PARK7: variants seen among roughly 807,000 people sequenced by gnomAD.
PARK7 encodes the protein Parkinson disease protein 7.
Under a neutral mutation model 20.5 loss-of-function variants are expected in PARK7, and 14 were observed. That is an observed-to-expected ratio of 0.68 (90% CI 0.45 to 1.07). The LOEUF (loss-of-function observed/expected upper bound fraction) is 1.07, where lower values mean the gene tolerates loss of function less well. PARK7 is among the 50% of genes least tolerant of loss of function. The pLI, the probability that PARK7 is intolerant of heterozygous loss-of-function variation, is 0.00. For missense variants in PARK7, 234 were observed against 238.1 expected (o/e 0.98, Z 0.11); for synonymous variants, 98 against 84.3 (o/e 1.16, Z -0.89).
At chr1:7,965,087 G>A (rs1640296285) in intron 2 of PARK7, among the ~76,000 whole-genome samples, 2 of 152,070 alleles carry the variant, frequency 1.3e-5, no homozygotes, top group South Asian at 4.1e-4. Flanking sequence ...CTGTGTAAAC[G>A]TTACTCTAGC....
intron 3 of PARK7, among the ~76,000 whole-genome samples, chr1:7,965,831 G>T (rs1640313187): frequency 6.6e-6 from 1 of 151,944 alleles, no homozygotes; most frequent in Admixed American, 6.6e-5. Context: ...TTGTTTAGAG[G>T]AATGGTCCCA....
chr1:7,969,667 G>C (rs1376353533), intron 4 of PARK7, among the ~76,000 whole-genome samples: 1 of 151,706 alleles, frequency 6.6e-6, no homozygotes, highest in Non-Finnish European at 1.5e-5. Flanking sequence ...TGCAATCTCC[G>C]CCTCCTGGGT....
At position 7,970,940 on chromosome 1, in the gene PARK7, G is replaced by A. The variant is rs199529022; in HGVS notation, c.299G>A (p.Gly100Asp). The A allele has an allele frequency of 5.0e-6, 8 of 1,614,200 alleles. No homozygotes were observed. The highest frequency in any genetic ancestry group is 1.7e-5 in the Admixed American group (1 of 60,024). The change falls in exon 5 of 7, where the codon GGC becomes GAC. Residue 100 changes from glycine to aspartate, a missense_variant. Physicochemically the swap from Gly to Asp is moderately conservative, Grantham distance 94 (BLOSUM62 -1). Coordinates refer to ENST00000338639, the MANE Select transcript of PARK7 (RefSeq NM_007262.5). ...EILKEQENRK[G>D]LIAAICAGPT... The stretch of plus-strand genomic sequence containing the variant: ...CTGAAGGAGCAGGAAAACCGGAAGG[G>A]CCTGATAGCCGCCATCTGTGCAGGT...
chr1:7,974,195 A>G (rs767656700), intron 5 of PARK7, among the ~76,000 whole-genome samples: 2 of 149,532 alleles, frequency 1.3e-5, no homozygotes, highest in Non-Finnish European at 3.0e-5. Context: ...GGTGGTGCAC[A>G]CTTGTAGTCC....
intron 6 of PARK7, among the ~76,000 whole-genome samples, chr1:7,978,392 GTTT>G (rs34698566): frequency 2.3e-4 from 31 of 136,254 alleles, no homozygotes; most frequent in Admixed American, 6.5e-4. Flanking sequence ...CCTGTGTGTG[GTTT>G]TTTTTTTTTT....
chr1:7,982,149 ATTTT>A (rs760318319), intron 6 of PARK7, among the ~76,000 whole-genome samples: 2 of 116,628 alleles, frequency 1.7e-5, no homozygotes, highest in Non-Finnish European at 3.7e-5. Flanking sequence ...TAATTTTTGT[ATTTT>A]TTTTTTTTTT....
chr1:7,977,755 T>TTGTG lies in PARK7; in HGVS notation c.409+18_409+19insGTGT. The TTGTG allele has an allele frequency of 6.2e-7, 1 of 1,608,132 alleles. No homozygotes were observed. Among genetic ancestry groups the TTGTG allele is most frequent in the Middle Eastern group, 1.7e-4 (1 of 6,046 alleles). On this transcript the variant is annotated intron_variant, in intron 6 of 6. Coordinates refer to ENST00000338639, the MANE Select transcript of PARK7 (RefSeq NM_007262.5). Reference sequence around the variant, plus strand: ...TGAATGGAGGTAAGTATATGCTTGTTTTTGTTTGTTTGTTTGTTTTTTGAG... The same window carrying TTGTG: ...TGAATGGAGGTAAGTATATGCTTGTTTGTGTTTGTTTGTTTGTTTGTTTTTTGAG...
chr1:7,969,184 C>T (rs1020046905), intron 3 of PARK7, 161 bp from the exon 4 acceptor site: 22 of 610,314 alleles, frequency 3.6e-5, no homozygotes, highest in African/African-American at 7.4e-5. Flanking sequence ...AACACCATTC[C>T]GTCATGTGGA....
At chr1:7,966,889 G>A (rs544605090) in intron 3 of PARK7, among the ~76,000 whole-genome samples, 4 of 152,180 alleles carry the variant, frequency 2.6e-5, no homozygotes, top group African/African-American at 9.6e-5. Flanking sequence ...AGAGTAATTA[G>A]CATATCCATC....
intron 2 of PARK7, 53 bp from the exon 3 acceptor site, chr1:7,965,271 T>TA: frequency 6.7e-7 from 1 of 1,497,386 alleles, no homozygotes; most frequent in Non-Finnish European, 9.3e-7. Context: ...AAGACAGTGT[T>TA]ACTCTGAATT....
chr1:7,980,160 C>CAAAA (rs34615529), intron 6 of PARK7, among the ~76,000 whole-genome samples: 2 of 125,128 alleles, frequency 1.6e-5, no homozygotes, highest in African/African-American at 3.1e-5. Context: ...GACTCCATCT[C>CAAAA]AAAAAAAAAA....
At chr1:7,970,070 T>C (rs1028945195) in intron 4 of PARK7, among the ~76,000 whole-genome samples, 7 of 151,892 alleles carry the variant, frequency 4.6e-5, no homozygotes, top group Non-Finnish European at 1.0e-4. Context: ...TGGTGCACAC[T>C]TGTAGTCCCA....
At position 7,984,200 on chromosome 1, in the gene PARK7, A is replaced by G. The variant is rs1285455214; in HGVS notation, c.410-694A>G. On this transcript the variant is annotated intron_variant, in intron 6 of 6. Coordinates refer to ENST00000338639, the MANE Select transcript of PARK7 (RefSeq NM_007262.5). This position sits in a 1 kb window ranked among gnomAD's most constrained non-coding sequence, Gnocchi z 4.3. ...CAGTAAGGGAAGCTCCAGGTGGGAG[A>G]GTGATAGGGATGGGTGTGGGGAGGG... Among the ~76,000 whole-genome samples the G allele has an allele frequency of 6.6e-6, 1 of 151,708 alleles. No individual in the cohort carries two copies. Among genetic ancestry groups the G allele is most frequent in the Non-Finnish European group, 1.5e-5 (1 of 67,956 alleles).
At chr1:7,963,663 C>T (rs755046871) in intron 2 of PARK7, among the ~76,000 whole-genome samples, 2 of 152,076 alleles carry the variant, frequency 1.3e-5, no homozygotes, top group Non-Finnish European at 2.9e-5. Context: ...GCAGGAGCCA[C>T]CATGCCCGGC....
chr1:7,980,810 A>G (rs921437842), intron 6 of PARK7, among the ~76,000 whole-genome samples: 7 of 152,220 alleles, frequency 4.6e-5, no homozygotes, highest in Non-Finnish European at 8.8e-5. Flanking sequence ...TTGAAAGATC[A>G]GTGTGACAGT....
chr1:7,970,010 A>G (rs1488006261), intron 4 of PARK7, among the ~76,000 whole-genome samples: 1 of 152,150 alleles, frequency 6.6e-6, no homozygotes. Flanking sequence ...TAAGTAACAC[A>G]TCGAGACGCC....
At chr1:7,962,715 G>A (rs1640234194) in intron 1 of PARK7, 48 bp from the exon 2 acceptor site, 4 of 1,218,510 alleles carry the variant, frequency 3.3e-6, no homozygotes, top group Admixed American at 2.2e-5. Context: ...GGTATCTCAG[G>A]GTTGCAATGA....
chr1:7,979,824 G>T (rs1640672512), intron 6 of PARK7, among the ~76,000 whole-genome samples: 1 of 152,116 alleles, frequency 6.6e-6, no homozygotes, highest in South Asian at 2.1e-4. Flanking sequence ...TTAGTTGCTA[G>T]AAAGATACTA....
At chr1:7,971,144 T>G (rs1437909586) in intron 5 of PARK7, 181 bp downstream of exon 5, 4 of 701,768 alleles carry the variant, frequency 5.7e-6, no homozygotes, top group Non-Finnish European at 1.0e-5. Flanking sequence ...ATTGTTCTGT[T>G]TTCTGCCTCT....
Sources: allele counts gnomAD v4.1 joint callset (sites outside exome capture counted in the v4.1 genomes callset), GRCh38; gene constraint gnomAD v4.1.1; non-coding constraint Gnocchi (gnomAD v3.1); transcripts MANE v1.5; gene names NCBI Gene and HGNC (gene_info 2026-07-23, HGNC 2026-07-21).